KCNC2: variants seen among roughly 807,000 people sequenced by gnomAD.
KCNC2 encodes voltage-gated potassium channel KCNC2.
In KCNC2, 21 loss-of-function variants were observed where a neutral mutation model predicts 44.5. That is an observed-to-expected ratio of 0.47 (90% CI 0.33 to 0.68). The LOEUF (loss-of-function observed/expected upper bound fraction) is 0.68. Ranked by LOEUF, KCNC2 falls within the 30% of genes least tolerant of loss-of-function variation. KCNC2 has a pLI of 0.01. For missense variants in KCNC2, 589 were observed against 826.2 expected (o/e 0.71, Z 3.52); for synonymous variants, 391 against 339.1 (o/e 1.15, Z -1.68).
At chr12:75,130,886 G>A (rs1196948227) in intron 2 of KCNC2, among the ~76,000 whole-genome samples, 1 of 151,840 alleles carries the variant, frequency 6.6e-6, no homozygotes, top group Non-Finnish European at 1.5e-5. Flanking sequence ...CAGCTCACTG[G>A]CAATCCTGAG....
At chr12:75,201,380 TC>T (rs1475248620) in intron 2 of KCNC2, among the ~76,000 whole-genome samples, 2 of 144,968 alleles carry the variant, frequency 1.4e-5, no homozygotes, top group African/African-American at 5.1e-5. Context: ...CCTTCCTCTC[TC>T]CCCCAGAATC....
In KCNC2 at chr12:75,041,725, A is replaced by G; in HGVS notation, c.*1380T>C. ...AAACTGACACTGCAGCAGGCAACCA[A>G]GTGCAATGGTGAAATTGCTGCTTAA... On this transcript the variant is annotated 3_prime_UTR_variant, in exon 5 of 5. Coordinates refer to ENST00000549446, the MANE Select transcript of KCNC2 (RefSeq NM_139137.4). The G allele has an allele frequency of 1.0e-6, 1 of 992,918 alleles. No homozygotes were observed. Among genetic ancestry groups the G allele is most frequent in the African/African-American group, 1.7e-5 (1 of 57,414 alleles). The allele number at this position is 992,918 out of a possible 1,614,324, so 61.5% of individuals were successfully genotyped here. A position where few individuals can be genotyped will look rare whatever the true frequency, so the allele number is the denominator to read the frequency against.
chr12:75,137,511 C>T (rs1158419042), intron 2 of KCNC2, among the ~76,000 whole-genome samples: 1 of 152,030 alleles, frequency 6.6e-6, no homozygotes, highest in Non-Finnish European at 1.5e-5. Flanking sequence ...TTTTAAAAAA[C>T]AAAATGGTTA....
At chr12:75,128,845 G>A (rs1046121226) in intron 2 of KCNC2, among the ~76,000 whole-genome samples, 1 of 152,136 alleles carries the variant, frequency 6.6e-6, no homozygotes, top group East Asian at 1.9e-4. Flanking sequence ...GTTTTCTCTA[G>A]AGAAGATGCA....
chr12:75,146,207 G>A (rs776545005), intron 2 of KCNC2, among the ~76,000 whole-genome samples: 24 of 152,090 alleles, frequency 1.6e-4, no homozygotes, highest in Middle Eastern at 3.4e-3. Flanking sequence ...ACCTGCCTTG[G>A]CCTCCCAAAG....
At chr12:75,096,005 T>C (rs1380250888) in intron 2 of KCNC2, among the ~76,000 whole-genome samples, 1 of 151,908 alleles carries the variant, frequency 6.6e-6, no homozygotes, top group Non-Finnish European at 1.5e-5. Flanking sequence ...TAGAATGGCT[T>C]TGGTAAAATT....
rs550988294 is a variant in KCNC2, at chr12:75,141,970, A to T, written c.687+65327T>A. On this transcript the variant is annotated intron_variant, in intron 2 of 4. Transcript: ENST00000549446. ...TATTCACTCATTCTGTACTCATTTTATAAATGAGGAAATTAGGTCTTAGAG... is the reference window on the plus strand; with the variant it reads ...TATTCACTCATTCTGTACTCATTTTTTAAATGAGGAAATTAGGTCTTAGAG... Among the ~76,000 whole-genome samples, 3 of 152,306 alleles carry T rather than the reference A, an allele frequency of 2.0e-5. No individual in the cohort carries two copies. The South Asian group carries it at 6.2e-4, about 32-fold the overall frequency.
intron 2 of KCNC2, among the ~76,000 whole-genome samples, chr12:75,141,517 T>C (rs1889651142): frequency 6.6e-6 from 1 of 152,182 alleles, no homozygotes; most frequent in Admixed American, 6.5e-5. Flanking sequence ...CTGACTAATA[T>C]GTAGCTCTCT....
At chr12:75,148,424 G>A (rs533134665) in intron 2 of KCNC2, among the ~76,000 whole-genome samples, 2 of 152,104 alleles carry the variant, frequency 1.3e-5, no homozygotes, top group East Asian at 3.9e-4. Context: ...CCTTAGGTCA[G>A]GAGGTCTGCC....
rs531493796 is a variant in KCNC2 at position 75,080,696 on chromosome 12, A to G, written c.688-29379T>C. On this transcript the variant is annotated intron_variant, in intron 2 of 4. Transcript: ENST00000549446. ...CTGCACTGAATCTGGCCCCTTTAGC[A>G]TACAGAATCTTTCTCTATTTTTTAG... Among the ~76,000 whole-genome samples the G allele has an allele frequency of 2.6e-5, 4 of 152,238 alleles. No homozygotes were observed. The East Asian group carries it at 5.8e-4, about 22-fold the overall frequency.
intron 4 of KCNC2, among the ~76,000 whole-genome samples, chr12:75,046,669 C>G (rs757484112): frequency 1.3e-4 from 20 of 151,770 alleles, no homozygotes; most frequent in Non-Finnish European, 2.1e-4. Flanking sequence ...TGTATTCACT[C>G]TCTTCAAAAT....
intron 2 of KCNC2, among the ~76,000 whole-genome samples, chr12:75,052,401 C>T (rs753403440): frequency 5.9e-5 from 9 of 152,132 alleles, no homozygotes; most frequent in Non-Finnish European, 8.8e-5. Context: ...GCTGGGATCA[C>T]ATACTTCTTA....
chr12:75,058,682 C>G (rs1881999796), intron 2 of KCNC2, among the ~76,000 whole-genome samples: 1 of 151,998 alleles, frequency 6.6e-6, no homozygotes, highest in Admixed American at 6.6e-5. Flanking sequence ...TGCAGTACCA[C>G]CTTTGTTAGT....
At chr12:75,130,600 A>G (rs1888768792) in intron 2 of KCNC2, among the ~76,000 whole-genome samples, 2 of 152,210 alleles carry the variant, frequency 1.3e-5, no homozygotes, top group East Asian at 1.9e-4. Flanking sequence ...AAAGTGATGA[A>G]CACATCAATA....
At position 75,043,227 on chromosome 12, in the gene KCNC2, G is replaced by A. The variant is rs143215099; in HGVS notation, c.1795C>T (p.Arg599Ter). 6 of 1,611,806 alleles carry A rather than the reference G, an allele frequency of 3.7e-6. No homozygotes were observed. The highest frequency in any genetic ancestry group is 2.2e-5 in the East Asian group (1 of 44,774). The change falls in exon 5 of 5, where the codon CGA becomes TGA. Residue 599 changes from arginine to a stop codon, truncating the protein, a stop_gained. Coordinates refer to ENST00000549446, the MANE Select transcript of KCNC2 (RefSeq NM_139137.4). LOFTEE classifies it high-confidence loss of function. ...GGIRKGYEKS[R>*]SLNNIAGLAG... ...AAGCCCGCTATGTTGTTTAAGCTTC[G>A]GGATTTTTCATATCCTTTTATGAAA...
At chr12:75,074,232 ATTTT>A (rs5799196) in intron 2 of KCNC2, among the ~76,000 whole-genome samples, 24 of 94,830 alleles carry the variant, frequency 2.5e-4, no homozygotes, top group Admixed American at 2.4e-3. Flanking sequence ...CTACTCATAG[ATTTT>A]TTTTTTTTTT....
chr12:75,143,109 G>C (rs923887805), intron 2 of KCNC2, among the ~76,000 whole-genome samples: 1 of 152,024 alleles, frequency 6.6e-6, no homozygotes, highest in Non-Finnish European at 1.5e-5. Flanking sequence ...TGATGTTAGT[G>C]AAAGAATATC....
chr12:75,041,549 T>C lies in KCNC2; in HGVS notation c.*1556A>G, dbSNP rs1879905638. The C allele has an allele frequency of 9.0e-7, 1 of 1,113,122 alleles. No individual in the cohort carries two copies. The highest frequency in any genetic ancestry group is 1.1e-6 in the Non-Finnish European group (1 of 903,786). 69.0% of individuals were successfully genotyped at this position (1,113,122 alleles called of 1,614,324 possible). A position where few individuals can be genotyped will look rare whatever the true frequency, so the allele number is the denominator to read the frequency against. On this transcript the variant is annotated 3_prime_UTR_variant, in exon 5 of 5. Transcript: ENST00000549446. ...TATCCCTCTATTTATATTACGGTCT[T>C]TTTCTTCCCTCACATGCTCAATACA... is the stretch of plus-strand genomic sequence containing the variant.
intron 2 of KCNC2, among the ~76,000 whole-genome samples, chr12:75,151,307 A>T (rs1890377121): frequency 6.6e-6 from 1 of 152,050 alleles, no homozygotes; most frequent in Non-Finnish European, 1.5e-5. Context: ...ACCACAGAAT[A>T]GTCTTCACAC....
Sources: gnomAD v4.1 joint callset for allele counts (sites outside exome capture counted in the v4.1 genomes callset) on GRCh38, gnomAD v4.1.1 for gene constraint, MANE v1.5 for transcripts, NCBI Gene and HGNC (gene_info 2026-07-23, HGNC 2026-07-21) for gene names.